Variants in GIPC3 observed in about 807,000 individuals in gnomAD.
GIPC3 encodes the protein PDZ domain-containing protein GIPC3.
Under a neutral mutation model 27.3 loss-of-function variants are expected in GIPC3, and 16 were observed. That is an observed-to-expected ratio of 0.59 (90% CI 0.40 to 0.89). GIPC3 has a LOEUF of 0.89. GIPC3 is among the 40% of genes least tolerant of loss of function. GIPC3 has a pLI of 0.00. For missense variants in GIPC3, 440 were observed against 442.1 expected (o/e 1.00, Z 0.04); for synonymous variants, 194 against 184.6 (o/e 1.05, Z -0.41).
Position 3,586,994 on chromosome 19 carries a change from GGTGAGGCGGGT to G in GIPC3, c.592+2_592+12del, listed in dbSNP as rs1420358490. The G allele has an allele frequency of 1.5e-5, 24 of 1,611,216 alleles. No individual in the cohort carries two copies. The highest frequency in any genetic ancestry group is 2.0e-5 in the Non-Finnish European group (24 of 1,179,306). ...CCTGGTGCAGCCCAAGAGGGCCTTC[GGTGAGGCGGGT>G]GGGCTGGCGGGAGCTCTTCCCGAAG... On this transcript the variant is annotated splice_donor_variant and splice_donor_5th_base_variant and intron_variant, in intron 3 of 5. Transcript: ENST00000644452. LOFTEE classifies it high-confidence loss of function.
rs971546842 is a variant in GIPC3, at chr19:3,590,487, T to C, written c.*297T>C. ...GCCCAGCTCTAGAACTCAGATGAGCTTTGAGACCATGCCCAGCACTGAGAC... is the reference window on the plus strand; with the variant it reads ...GCCCAGCTCTAGAACTCAGATGAGCCTTGAGACCATGCCCAGCACTGAGAC... On this transcript the variant is annotated 3_prime_UTR_variant, in exon 6 of 6. Coordinates refer to ENST00000644452, the MANE Select transcript of GIPC3 (RefSeq NM_133261.3). 1 of 1,415,396 alleles carries C rather than the reference T, an allele frequency of 7.1e-7. No homozygotes were observed. 87.7% of individuals were successfully genotyped at this position (1,415,396 alleles called of 1,614,324 possible).
At chr19:3,588,202 C>T (rs1460879199) in intron 3 of GIPC3, among the ~76,000 whole-genome samples, 2 of 151,880 alleles carry the variant, frequency 1.3e-5, no homozygotes, top group Non-Finnish European at 2.9e-5. Context: ...TGGGGTTTCT[C>T]CATGTTGGCA....
chr19:3,586,387 C>G lies in GIPC3; in HGVS notation c.226-108C>G, dbSNP rs58312889. 653 of 1,011,842 alleles carry G rather than the reference C, an allele frequency of 6.5e-4. 5 individuals are homozygous for G. The African/African-American group carries it at 9.6e-3, about 15-fold the overall frequency. The allele number at this position is 1,011,842 out of a possible 1,614,324, so 62.7% of individuals were successfully genotyped here. On this transcript the variant is annotated intron_variant, in intron 1 of 5. Transcript: ENST00000644452. The stretch of plus-strand genomic sequence containing the variant: ...TGGGGGTCCCACGCCCTGCCCTTTC[C>G]CATGGGCTGGGATCCTGGTCGCTGG...
Position 3,586,948 on chromosome 19 carries a change from G to T in GIPC3, c.546G>T (p.Lys182Asn), listed in dbSNP as rs545396974. Residue 182 changes from lysine (K) to asparagine (N), a missense_variant, in exon 3 of 6, where the codon AAG (lysine) becomes AAT (asparagine). Coordinates refer to ENST00000644452, the MANE Select transcript of GIPC3 (RefSeq NM_133261.3). ...EVAKMLRELP[K>N]SQPFTLRLVQ... ...CCAAGATGCTCCGGGAGCTGCCCAA[G>T]TCCCAGCCCTTCACCCTGCGCCTGG... is the stretch of plus-strand genomic sequence containing the variant. The T allele has an allele frequency of 6.2e-7, 1 of 1,613,272 alleles. No individual in the cohort carries two copies. The highest frequency in any genetic ancestry group is 2.2e-5 in the East Asian group (1 of 44,878).
In GIPC3 at chr19:3,592,694, G is replaced by A; in HGVS notation, c.*2504G>A. Reference sequence around the variant, plus strand: ...GAGCCCAACTTAGTTCCAGAACCCAGTCCAGCTCTGAGACCGGGCTCAGCT... The same window carrying A: ...GAGCCCAACTTAGTTCCAGAACCCAATCCAGCTCTGAGACCGGGCTCAGCT... On this transcript the variant is annotated 3_prime_UTR_variant, in exon 6 of 6. Coordinates refer to ENST00000644452, the MANE Select transcript of GIPC3 (RefSeq NM_133261.3). The A allele has an allele frequency of 8.1e-7, 1 of 1,230,716 alleles. No individual in the cohort carries two copies. Among genetic ancestry groups the A allele is most frequent in the Non-Finnish European group, 1.0e-6 (1 of 986,916 alleles). The allele number at this position is 1,230,716 out of a possible 1,614,324, so 76.2% of individuals were successfully genotyped here.
At position 3,593,079 on chromosome 19, in the gene GIPC3, G is replaced by T; in HGVS notation, c.*2889G>T. ...CTCCTACCTGGCCCCACAGTCACAG[G>T]TCTCCTCAACCCCCCAGAAGCCAGC... On this transcript the variant is annotated 3_prime_UTR_variant, in exon 6 of 6. Transcript: ENST00000644452. 8.1e-7 allele frequency: 1 copy of T among 1,232,704 alleles called. No homozygotes were observed. The highest frequency in any genetic ancestry group is 1.0e-6 in the Non-Finnish European group (1 of 988,522). The allele number at this position is 1,232,704 out of a possible 1,614,324, so 76.4% of individuals were successfully genotyped here.
chr19:3,593,322 C>T lies in GIPC3; in HGVS notation c.*3132C>T. On this transcript the variant is annotated 3_prime_UTR_variant, in exon 6 of 6. Coordinates refer to ENST00000644452, the MANE Select transcript of GIPC3 (RefSeq NM_133261.3). ...TGACTTAGCCCTGGTTCATGTGGTT[C>T]TCGTCCTCTCCTGTCCCTTCCAGCC... 5 of 1,232,284 alleles carry T rather than the reference C, an allele frequency of 4.1e-6. No homozygotes were observed. The highest frequency in any genetic ancestry group is 5.1e-6 in the Non-Finnish European group (5 of 988,172). The allele number at this position is 1,232,284 out of a possible 1,614,324, so 76.3% of individuals were successfully genotyped here.
At chr19:3,586,362 T>TG (rs1011244699) in intron 1 of GIPC3, 133 bp from the exon 2 acceptor site, 29 of 791,218 alleles carry the variant, frequency 3.7e-5, no homozygotes, top group African/African-American at 3.2e-4. Flanking sequence ...CTCTCTGTTC[T>TG]GGGGGTCCCA....
At position 3,592,868 on chromosome 19, in the gene GIPC3, GA is replaced by G; in HGVS notation, c.*2679del. ...GCCCTGGAAATGGAATCTGCCCACA[GA>G]CCCCTGGCCTTGACCCTAGAATCCA... On this transcript the variant is annotated 3_prime_UTR_variant, in exon 6 of 6. Coordinates refer to ENST00000644452, the MANE Select transcript of GIPC3 (RefSeq NM_133261.3). The G allele has an allele frequency of 8.1e-7, 1 of 1,232,104 alleles. No individual in the cohort carries two copies. The highest frequency in any genetic ancestry group is 1.0e-6 in the Non-Finnish European group (1 of 988,060). The allele number at this position is 1,232,104 out of a possible 1,614,324, so 76.3% of individuals were successfully genotyped here.
chr19:3,591,256 C>T lies in GIPC3; in HGVS notation c.*1066C>T, dbSNP rs1030304664. On this transcript the variant is annotated 3_prime_UTR_variant, in exon 6 of 6. Coordinates refer to ENST00000644452, the MANE Select transcript of GIPC3 (RefSeq NM_133261.3). The stretch of plus-strand genomic sequence containing the variant: ...ACCCAGATAAGATCTGAGACCAAGC[C>T]CTGCTCTGAAGCCCAGGCCAGCTCT... 7.3e-6 allele frequency: 9 copies of T among 1,232,692 alleles called. No homozygotes were observed. The African/African-American group carries it at 1.1e-4, about 15-fold the overall frequency. The allele number at this position is 1,232,692 out of a possible 1,614,324, so 76.4% of individuals were successfully genotyped here.
At position 3,586,660 on chromosome 19, in the gene GIPC3, G is replaced by A; in HGVS notation, c.391G>A (p.Ala131Thr). ...ALGLTITDNG[A>T]GYAFIKRIKE... is the part of the protein sequence containing the mutation. ...GGGGCTGACCATCACGGACAACGGG[G>A]CTGGCTACGCCTTCATCAAGGTGCC... is the stretch of plus-strand genomic sequence containing the variant. The change falls in exon 2 of 6, where the codon GCT becomes ACT. Residue 131 changes from alanine (A) to threonine (T), a missense_variant. Ala to Thr is a moderately conservative substitution (Grantham distance 58). Transcript: ENST00000644452. 6.2e-7 allele frequency: 1 copy of A among 1,612,150 alleles called. No homozygotes were observed. The highest frequency in any genetic ancestry group is 1.7e-5 in the Admixed American group (1 of 59,898).
At position 3,590,161 on chromosome 19, in the gene GIPC3, A is replaced by G; in HGVS notation, c.910A>G (p.Ile304Val). 1 of 1,607,802 alleles carries G rather than the reference A, an allele frequency of 6.2e-7. No homozygotes were observed. Among genetic ancestry groups the G allele is most frequent in the Non-Finnish European group, 8.5e-7 (1 of 1,177,744 alleles). Residue 304 changes from isoleucine (I) to valine (V), a missense_variant, in exon 6 of 6, where the codon ATC becomes GTC. Physicochemically the swap from Ile to Val is conservative, Grantham distance 29. Coordinates refer to ENST00000644452, the MANE Select transcript of GIPC3 (RefSeq NM_133261.3). ...DEFVVEVWAA[I>V]GEAREACG Reference sequence around the variant, plus strand: ...GTTTGTGGTGGAAGTGTGGGCCGCCATCGGCGAGGCCAGAGAGGCCTGTGG... The same window carrying G: ...GTTTGTGGTGGAAGTGTGGGCCGCCGTCGGCGAGGCCAGAGAGGCCTGTGG...
At chr19:3,587,883 G>GT (rs1440657270) in intron 3 of GIPC3, among the ~76,000 whole-genome samples, 3 of 151,356 alleles carry the variant, frequency 2.0e-5, no homozygotes, top group Non-Finnish European at 2.9e-5. Context: ...TAGAGATGAG[G>GT]TTTTACCGTG....
In GIPC3 at chr19:3,588,635, C is replaced by T. The variant is rs373125972; in HGVS notation, c.593-808C>T. On this transcript the variant is annotated intron_variant, in intron 3 of 5. Transcript: ENST00000644452. ...GATCACCTGAGGTCAGGTGATCCAT[C>T]GTATCAAAAAAAAAAAAAAAAAAAC... 4.2e-4 allele frequency among the ~76,000 whole-genome samples: 47 copies of T among 112,234 alleles called. 1 individual carries two copies. The South Asian group carries it at 4.5e-3, about 11-fold the overall frequency. 73.6% of individuals were successfully genotyped at this position (112,234 alleles called of 152,430 possible).
At position 3,592,936 on chromosome 19, in the gene GIPC3, CAT is replaced by C; in HGVS notation, c.*2747_*2748del. On this transcript the variant is annotated 3_prime_UTR_variant, in exon 6 of 6. Transcript: ENST00000644452. ...CCAGCCCAACCTCAGCCCCCAGGCC[CAT>C]CCCCCAGAGACCCCACCCCAGCCCC... 1 of 1,224,194 alleles carries C rather than the reference CAT, an allele frequency of 8.2e-7. No individual in the cohort carries two copies. Among genetic ancestry groups the C allele is most frequent in the Non-Finnish European group, 1.0e-6 (1 of 981,592 alleles). The allele number at this position is 1,224,194 out of a possible 1,614,324, so 75.8% of individuals were successfully genotyped here. A position where few individuals can be genotyped will look rare whatever the true frequency, so the allele number is the denominator to read the frequency against.
At chr19:3,589,799 T>C in intron 4 of GIPC3, 32 bp from the exon 5 acceptor site, 1 of 1,607,742 alleles carries the variant, frequency 6.2e-7, no homozygotes, top group East Asian at 2.2e-5. Context: ...CCAAAGCTTT[T>C]CACCCCTGAC....
chr19:3,586,830 G>T lies in GIPC3; in HGVS notation c.428G>T (p.Ser143Ile). The T allele has an allele frequency of 6.2e-7, 1 of 1,613,690 alleles. No individual in the cohort carries two copies. Among genetic ancestry groups the T allele is most frequent in the Non-Finnish European group, 8.5e-7 (1 of 1,180,002 alleles). ...YAFIKRIKEG[S>I]IINRIEAVCV... ...TCCCTGCAGAGAATCAAGGAAGGCA[G>T]TATCATCAACCGGATCGAGGCAGTG... The change falls in exon 3 of 6, where the codon AGT (serine) becomes ATT (isoleucine). Residue 143 changes from serine (S) to isoleucine (I), a missense_variant. Ser to Ile is a moderately radical substitution (Grantham distance 142). Transcript: ENST00000644452.
In GIPC3 at chr19:3,585,640, C is replaced by T; in HGVS notation, c.43C>T (p.Pro15Ser). 8.4e-7 allele frequency: 1 copy of T among 1,194,394 alleles called. No homozygotes were observed. The highest frequency in any genetic ancestry group is 1.0e-6 in the Non-Finnish European group (1 of 966,468). 74.0% of individuals were successfully genotyped at this position (1,194,394 alleles called of 1,614,324 possible). The change falls in exon 1 of 6, where the codon CCG becomes TCG. Residue 15 changes from proline (P) to serine (S), a missense_variant. Physicochemically the swap from Pro to Ser is moderately conservative, Grantham distance 74 (BLOSUM62 -1). Transcript: ENST00000644452. ...AAREARGTET[P>S]RASAPPPAPS... ...CCGGGAGGCCCGGGGGACCGAGACC[C>T]CGCGCGCGTCTGCGCCCCCGCCCGC... is the stretch of plus-strand genomic sequence containing the variant.
Position 3,591,044 on chromosome 19 carries a change from C to A in GIPC3, c.*854C>A. 1.6e-6 allele frequency: 2 copies of A among 1,233,912 alleles called. No individual in the cohort carries two copies. 76.4% of individuals were successfully genotyped at this position (1,233,912 alleles called of 1,614,324 possible). A position where few individuals can be genotyped will look rare whatever the true frequency, so the allele number is the denominator to read the frequency against. The stretch of plus-strand genomic sequence containing the variant: ...AGATAAGCTCTGAAACCAAGCCCAG[C>A]ATAGAGACCAAGCCGTGTTCTAGAA... On this transcript the variant is annotated 3_prime_UTR_variant, in exon 6 of 6. Transcript: ENST00000644452.
Sources: gnomAD v4.1 joint callset for allele counts (sites outside exome capture counted in the v4.1 genomes callset) on GRCh38, gnomAD v4.1.1 for gene constraint, MANE v1.5 for transcripts, NCBI Gene and HGNC (gene_info 2026-07-23, HGNC 2026-07-21) for gene names.